PRKN: variants seen among roughly 807,000 people sequenced by gnomAD.
PRKN encodes parkin RBR E3 ubiquitin protein ligase, also known as E3 ubiquitin-protein ligase parkin.
PRKN carries 56 observed loss-of-function variants against 59.5 expected under a neutral mutation model. The observed-to-expected ratio is 0.94, with a 90% confidence interval of 0.76 to 1.18. PRKN has a LOEUF of 1.18. PRKN is among the 50% of genes most tolerant of loss of function. The pLI, the probability that PRKN is intolerant of heterozygous loss-of-function variation, is 0.00. For missense variants in PRKN, 657 were observed against 596.4 expected, an observed-to-expected ratio of 1.10 and a Z score of -1.06; for synonymous variants, 250 against 222.1, an observed-to-expected ratio of 1.13 and a Z score of -1.12.
chr6:162,270,363 G>A (rs1780318883), intron 2 of PRKN: 1 of 152,176 alleles, frequency 6.6e-6, no homozygotes. Flanking sequence ...GGGACGTAGG[G>A]GAAAGGGTGG....
intron 1 of PRKN, among the ~76,000 whole-genome samples, chr6:162,584,803 CT>C (rs1562409024): frequency 1.1e-4 from 1 of 8,978 alleles, no homozygotes; most frequent in African/African-American, 8.7e-4. Flanking sequence ...CTCCCCTCCC[CT>C]CCCCTCCCCT....
At chr6:161,872,099 C>A (rs970039810) in intron 6 of PRKN, among the ~76,000 whole-genome samples, 4 of 152,124 alleles carry the variant, frequency 2.6e-5, no homozygotes, top group Non-Finnish European at 4.4e-5. Flanking sequence ...ATTTAGCTTA[C>A]ATTCTAGTGG....
intron 1 of PRKN, among the ~76,000 whole-genome samples, chr6:162,541,130 T>G (rs986009279): frequency 2.6e-5 from 4 of 152,160 alleles, no homozygotes; most frequent in African/African-American, 7.2e-5. Flanking sequence ...CCCTCCTAGG[T>G]GCCAGAGGTT....
chr6:161,455,842 A>G (rs1789944763), intron 9 of PRKN, among the ~76,000 whole-genome samples: 1 of 149,524 alleles, frequency 6.7e-6, no homozygotes, highest in Non-Finnish European at 1.5e-5. Flanking sequence ...CAGCCTGGCG[A>G]CACAGCAAGA....
intron 7 of PRKN, among the ~76,000 whole-genome samples, chr6:161,611,597 T>TA (rs1240923414): frequency 6.6e-6 from 1 of 152,218 alleles, no homozygotes. Context: ...ACTGAACTGG[T>TA]AAAGTGTTGT....
intron 1 of PRKN, among the ~76,000 whole-genome samples, chr6:162,628,645 C>G (rs1338528986): frequency 6.6e-6 from 1 of 151,942 alleles, no homozygotes. Context: ...GAAAGTGATT[C>G]TTGGCAGATA....
rs543562216 is a variant in PRKN at position 162,412,341 on chromosome 6, G to A, written c.171+30969C>T. 2.0e-5 allele frequency among the ~76,000 whole-genome samples: 3 copies of A among 152,150 alleles called. 1 individual carries two copies. In the South Asian group the frequency reaches 6.2e-4, roughly 32 times the overall value. On this transcript the variant is annotated intron_variant, in intron 2 of 11. Transcript: ENST00000366898. ...AGGTGTCTGGACTGAGGATTCTAGG[G>A]TACGATGAATAACAAATGGAACAAA...
At chr6:161,930,879 G>A (rs1426688526) in intron 6 of PRKN, among the ~76,000 whole-genome samples, 1 of 152,102 alleles carries the variant, frequency 6.6e-6, no homozygotes, top group East Asian at 1.9e-4. Context: ...AGGATGAAAG[G>A]GGCCATGGGC....
chr6:162,105,525 C>A (rs931834747), intron 4 of PRKN, among the ~76,000 whole-genome samples: 1 of 152,180 alleles, frequency 6.6e-6, no homozygotes, highest in South Asian at 2.1e-4. Flanking sequence ...CCTCAGCCTC[C>A]GAAGTAGCTG....
chr6:161,937,242 C>T (rs906813391), intron 6 of PRKN, among the ~76,000 whole-genome samples: 7 of 152,230 alleles, frequency 4.6e-5, no homozygotes, highest in Non-Finnish European at 8.8e-5. Context: ...TGGATCTTGA[C>T]AGAGATTATG....
chr6:162,083,922 A>T (rs1779158284), intron 4 of PRKN, among the ~76,000 whole-genome samples: 1 of 152,132 alleles, frequency 6.6e-6, no homozygotes, highest in Non-Finnish European at 1.5e-5. Flanking sequence ...TTTTTCAAAG[A>T]TTTAATGTTA....
At chr6:162,499,177 T>C (rs540975764) in intron 1 of PRKN, among the ~76,000 whole-genome samples, 4 of 152,128 alleles carry the variant, frequency 2.6e-5, no homozygotes, top group Non-Finnish European at 5.9e-5. Context: ...CCACCCTTTA[T>C]TGTTACTGTC....
At chr6:161,761,983 G>A (rs1263456047) in intron 7 of PRKN, among the ~76,000 whole-genome samples, 2 of 152,200 alleles carry the variant, frequency 1.3e-5, no homozygotes, top group African/African-American at 2.4e-5. Flanking sequence ...TGGAGGACAG[G>A]ACATATCTGG....
chr6:161,749,150 C>G (rs1006736698), intron 7 of PRKN, among the ~76,000 whole-genome samples: 7 of 152,156 alleles, frequency 4.6e-5, no homozygotes, highest in Admixed American at 1.3e-4. Context: ...TTGCTAACCC[C>G]CTCCGGGTCT....
intron 5 of PRKN, among the ~76,000 whole-genome samples, chr6:161,995,113 T>C (rs1008060907): frequency 4.6e-5 from 7 of 151,958 alleles, no homozygotes; most frequent in African/African-American, 1.2e-4. Flanking sequence ...TGGAACAAAA[T>C]AGTGAACCCA....
chr6:162,663,252 T>C (rs1287814975), intron 1 of PRKN, among the ~76,000 whole-genome samples: 1 of 152,168 alleles, frequency 6.6e-6, no homozygotes, highest in East Asian at 1.9e-4. Context: ...GCACCATTAC[T>C]ATCTCATTTC....
At chr6:161,449,102 AC>A (rs1789615359) in intron 9 of PRKN, among the ~76,000 whole-genome samples, 1 of 152,232 alleles carries the variant, frequency 6.6e-6, no homozygotes, top group Admixed American at 6.5e-5. Context: ...ATCTGGACCA[AC>A]CTGATAGAAA....
intron 4 of PRKN, among the ~76,000 whole-genome samples, chr6:162,064,483 T>C (rs1778244611): frequency 6.6e-6 from 1 of 152,188 alleles, no homozygotes; most frequent in Non-Finnish European, 1.5e-5. Flanking sequence ...AGTCTGTGAT[T>C]TCTGTTATAA....
chr6:162,590,240 C>T, intron 1 of PRKN, among the ~76,000 whole-genome samples: 1 of 152,064 alleles, frequency 6.6e-6, no homozygotes, highest in South Asian at 2.1e-4. Flanking sequence ...TTTCATTGTT[C>T]ATGTCTAATA....
Sources: gnomAD v4.1 joint callset for allele counts (sites outside exome capture counted in the v4.1 genomes callset) on GRCh38, gnomAD v4.1.1 for gene constraint, MANE v1.5 for transcripts, NCBI Gene and HGNC (gene_info 2026-07-23, HGNC 2026-07-21) for gene names.